PTOV1: variants seen among roughly 807,000 people sequenced by gnomAD.
The protein encoded by PTOV1 is prostate tumor-overexpressed gene 1 protein.
PTOV1 carries 20 observed loss-of-function variants against 58.0 expected under a neutral mutation model. The observed-to-expected ratio is 0.34, with a 90% CI of 0.24 to 0.50. The LOEUF (loss-of-function observed/expected upper bound fraction) is 0.50. Ranked by LOEUF, PTOV1 falls within the 20% of genes least tolerant of loss-of-function variation. The pLI, the probability that PTOV1 is intolerant of heterozygous loss-of-function variation, is 0.98. For missense variants in PTOV1, 593 were observed against 565.4 expected (o/e 1.05, Z -0.50); for synonymous variants, 335 against 234.2 (o/e 1.43, Z -3.93).
upstream of PTOV1, chr19:49,850,990 T>C: frequency 2.6e-6 from 4 of 1,534,656 alleles, no homozygotes; most frequent in Non-Finnish European, 3.5e-6. Flanking sequence ...CCCCCTGAAG[T>C]TGTGGCTCGC....
chr19:49,858,817 C>T (rs1340223639), intron 10 of PTOV1, 164 bp downstream of exon 10: 2 of 620,766 alleles, frequency 3.2e-6, no homozygotes, highest in Non-Finnish European at 2.9e-6. Context: ...CTGTGCTGTC[C>T]CCACGGCACT....
intron 2 of PTOV1, 25 bp downstream of exon 2, chr19:49,854,568 G>A: frequency 6.2e-7 from 1 of 1,612,526 alleles, no homozygotes; most frequent in Non-Finnish European, 8.5e-7. Flanking sequence ...GGCTGCGGCT[G>A]GCCTCCAGGG....
exon 12 of PTOV1, chr19:49,860,390 T>TGGGGGGGGGGGG: frequency 8.8e-6 from 3 of 341,256 alleles, no homozygotes; most frequent in Admixed American, 4.4e-5. Context: ...GTGGGGGGGG[T>TGGGGGGGGGGGG]GGGGTTGGGA....
chr19:49,859,622 C>T (rs1024446627), intron 10 of PTOV1, among the ~76,000 whole-genome samples: 2 of 152,076 alleles, frequency 1.3e-5, no homozygotes, highest in African/African-American at 4.8e-5. Context: ...GCTCCATGTA[C>T]CTCAGCCCTT....
intron 6 of PTOV1, 105 bp downstream of exon 6, chr19:49,857,235 G>A: frequency 1.4e-6 from 2 of 1,459,958 alleles, no homozygotes; most frequent in Non-Finnish European, 1.9e-6. Flanking sequence ...TGCGATGGCT[G>A]GAGCAAGGAG....
At chr19:49,851,661 G>A (rs1274282806) in intron 1 of PTOV1, 162 bp downstream of exon 1, 10 of 1,133,556 alleles carry the variant, frequency 8.8e-6, no homozygotes, top group Non-Finnish European at 1.1e-5. Flanking sequence ...AGCACCCGGT[G>A]GTTCGCGCCG....
upstream of PTOV1, chr19:49,850,820 C>T: frequency 1.3e-6 from 2 of 1,528,266 alleles, no homozygotes; most frequent in South Asian, 2.4e-5. Flanking sequence ...TTATTCCGTC[C>T]TCCCCTCTTC....
At chr19:49,859,868 G>A in intron 10 of PTOV1, 118 bp from the exon 11 acceptor site, 1 of 1,129,994 alleles carries the variant, frequency 8.8e-7, no homozygotes, top group Non-Finnish European at 1.3e-6. Context: ...GGTGGGGGGT[G>A]TGAGGACAGA....
At chr19:49,852,101 A>G in intron 1 of PTOV1, 1 of 981,152 alleles carries the variant, frequency 1.0e-6, no homozygotes, top group Non-Finnish European at 1.2e-6. Flanking sequence ...TCCGGACCCA[A>G]AAGATGCACA....
intron 5 of PTOV1, chr19:49,856,551 C>T (rs16981492): frequency 0.036 from 7,480 of 205,112 alleles, 212 homozygotes; most frequent in South Asian, 0.12. Flanking sequence ...CACTATTACC[C>T]GGTTTTACAG....
rs147943327 is a variant in PTOV1, at chr19:49,854,632, C to T, written c.310-20C>T. On this transcript the variant is annotated intron_variant, in intron 2 of 11. Transcript: ENST00000391842. ...AGGGCATCTAGGCTGTGCACAGTGA[C>T]GCCCCTCCTGCCCCCACAGAAGCGC... 7.4e-3 allele frequency: 12,013 copies of T among 1,613,288 alleles called. 59 individuals are homozygous for T. The highest frequency in any genetic ancestry group is 9.3e-3 in the Non-Finnish European group (10,923 of 1,179,902).
rs1376327679 is a variant in PTOV1, at chr19:49,856,958, ACCCGCGGCC to A, written c.559-11_559-3del. On this transcript the variant is annotated splice_region_variant and splice_polypyrimidine_tract_variant and intron_variant, in intron 5 of 11. Coordinates refer to ENST00000391842, the Ensembl canonical transcript of PTOV1. ...CCCGGGCAGTGACCACAGGGTCCTGACCCGCGGCCCCCGCAGGCGGGCTGCATGCTGTTC... is the reference window on the plus strand; with the variant it reads ...CCCGGGCAGTGACCACAGGGTCCTGACCCGCAGGCGGGCTGCATGCTGTTC... 6.2e-7 allele frequency: 1 copy of A among 1,611,706 alleles called. No individual in the cohort carries two copies. Among genetic ancestry groups the A allele is most frequent in the East Asian group, 2.2e-5 (1 of 44,856 alleles).
chr19:49,857,723 C>A (rs776333813), exon 7 of PTOV1: 2 of 1,614,142 alleles, frequency 1.2e-6, no homozygotes, highest in South Asian at 1.1e-5. Context: ...CAACTCAGGC[C>A]CAGTCCAGAT....
intron 10 of PTOV1, 21 bp downstream of exon 10, chr19:49,858,674 CA>C (rs761240662): frequency 1.3e-6 from 2 of 1,568,664 alleles, no homozygotes; most frequent in African/African-American, 1.4e-5. Flanking sequence ...CCAGCAGACG[CA>C]GGGGAGGGGC....
In PTOV1 at chr19:49,858,069, G is replaced by T. The variant is rs12461139; in HGVS notation, c.891G>T (p.Gln297His). ...TTGTGCCCCACAGGAGGACCGAGCA[G>T]TGGCCAAGGAAGCTGTACATGCAGC... The change falls in exon 9 of 12, where the codon CAG (glutamine) becomes CAT (histidine). Residue 297 changes from glutamine (Q) to histidine (H), a missense_variant. Physicochemically the swap from Gln to His is conservative, Grantham distance 24. Coordinates refer to ENST00000391842, the Ensembl canonical transcript of PTOV1. 20 of 1,614,060 alleles carry T rather than the reference G, an allele frequency of 1.2e-5. No individual in the cohort carries two copies. In the Admixed American group the frequency reaches 3.2e-4, roughly 26 times the overall value.
At chr19:49,858,497 G>C in intron 9 of PTOV1, 52 bp from the exon 10 acceptor site, 1 of 1,455,252 alleles carries the variant, frequency 6.9e-7, no homozygotes, top group Non-Finnish European at 9.4e-7. Flanking sequence ...CTGGGAGCCG[G>C]GAGGCCGTGG....
Position 49,854,548 on chromosome 19 carries a change from G to A in PTOV1, c.309+5G>A. On this transcript the variant is annotated splice_donor_5th_base_variant and intron_variant, in intron 2 of 11. Transcript: ENST00000391842. ...GGCGTCCTCGAGTGGCAGGAGGTGAGTCTCTGTGGGGCTGCGGCTGGCCTC... is the reference window on the plus strand; with the variant it reads ...GGCGTCCTCGAGTGGCAGGAGGTGAATCTCTGTGGGGCTGCGGCTGGCCTC... 6.2e-7 allele frequency: 1 copy of A among 1,612,832 alleles called. No individual in the cohort carries two copies. The highest frequency in any genetic ancestry group is 1.1e-5 in the South Asian group (1 of 91,066).
intron 11 of PTOV1, 41 bp downstream of exon 11, chr19:49,860,224 C>A: frequency 1.2e-6 from 2 of 1,613,682 alleles, no homozygotes; most frequent in Non-Finnish European, 1.7e-6. Flanking sequence ...TCTCCCTCCA[C>A]CCCCGCTGCC....
At chr19:49,859,894 C>T in intron 10 of PTOV1, 92 bp from the exon 11 acceptor site, 1 of 1,396,968 alleles carries the variant, frequency 7.2e-7, no homozygotes, top group Admixed American at 1.7e-5. Flanking sequence ...TAGGCTGTGC[C>T]TGGCTCATGG....
Sources: gnomAD v4.1 joint callset for allele counts (sites outside exome capture counted in the v4.1 genomes callset) on GRCh38, gnomAD v4.1.1 for gene constraint, MANE v1.5 for transcripts, NCBI Gene and HGNC (gene_info 2026-07-23, HGNC 2026-07-21) for gene names.